Variants in NRG1 observed in about 807,000 individuals in gnomAD.
The protein encoded by NRG1 is pro-neuregulin-1, membrane-bound isoform.
NRG1 carries 18 observed loss-of-function variants against 63.8 expected under a neutral mutation model. The observed-to-expected ratio is 0.28, with a 90% confidence interval of 0.19 to 0.42. The LOEUF is 0.42. Among genes scored for constraint, NRG1 ranks in the 10% least tolerant of loss-of-function variants. NRG1 has a pLI of 1.00. For synonymous variants in NRG1, 302 were observed against 301.3 expected (o/e 1.00, Z -0.02); for missense variants, 762 against 814.7 (o/e 0.94, Z 0.79).
intron 1 of NRG1, among the ~76,000 whole-genome samples, chr8:32,479,940 G>A (rs748804183): frequency 2.6e-4 from 40 of 152,186 alleles, no homozygotes; most frequent in South Asian, 2.1e-3. Context: ...GAGCCACCAC[G>A]CCCAGCCCAT....
At chr8:32,614,021 C>T (rs1229834946) in intron 3 of NRG1, among the ~76,000 whole-genome samples, 1 of 152,062 alleles carries the variant, frequency 6.6e-6, no homozygotes, top group Non-Finnish European at 1.5e-5. Flanking sequence ...TCTTCATTCT[C>T]ACTGGCAATT....
intron 1 of NRG1, among the ~76,000 whole-genome samples, chr8:32,169,986 A>G (rs1344757921): frequency 6.6e-6 from 1 of 152,190 alleles, no homozygotes; most frequent in Non-Finnish European, 1.5e-5. Context: ...ACGTAAAGAC[A>G]TAGACACACA....
chr8:31,943,770 G>A (rs2129621282), intron 1 of NRG1, among the ~76,000 whole-genome samples: 1 of 152,236 alleles, frequency 6.6e-6, no homozygotes, highest in East Asian at 1.9e-4. Context: ...CTAAATGTAA[G>A]AAGAGGGAAT....
chr8:32,733,641 C>T (rs1203911155), intron 6 of NRG1, among the ~76,000 whole-genome samples: 7 of 152,036 alleles, frequency 4.6e-5, no homozygotes, highest in African/African-American at 7.2e-5. Flanking sequence ...GTTTATAGAA[C>T]AGCTATTTGC....
intron 1 of NRG1, among the ~76,000 whole-genome samples, chr8:32,227,592 C>A (rs1168948106): frequency 6.6e-6 from 1 of 152,158 alleles, no homozygotes; most frequent in Non-Finnish European, 1.5e-5. Context: ...TTTCTCCTTT[C>A]CTTTCGGAAT....
chr8:32,098,036 G>A (rs1390437702), intron 1 of NRG1, among the ~76,000 whole-genome samples: 1 of 152,070 alleles, frequency 6.6e-6, no homozygotes, highest in Admixed American at 6.6e-5. Context: ...GAAGATAAGA[G>A]GGATCAAAAC....
Position 31,736,879 on chromosome 8 carries a change from C to G in NRG1, c.37+97448C>G, listed in dbSNP as rs550105221. Among the ~76,000 whole-genome samples, 12 of 152,280 alleles carry G rather than the reference C, an allele frequency of 7.9e-5. No homozygotes were observed. The South Asian group carries it at 2.5e-3, about 32-fold the overall frequency. ...CACACATGCACACACAATTCACCCT[C>G]TCCCACAATATCACTGTGTTACACA... On this transcript the variant is annotated intron_variant, in intron 1 of 10. Coordinates refer to the NRG1 transcript ENST00000519301.
intron 5 of NRG1, among the ~76,000 whole-genome samples, chr8:32,690,231 G>A (rs1811218693): frequency 6.6e-6 from 1 of 152,116 alleles, no homozygotes; most frequent in Admixed American, 6.6e-5. Flanking sequence ...ATTTAAAACA[G>A]TAAGACCAGA....
intron 1 of NRG1, among the ~76,000 whole-genome samples, chr8:32,553,194 C>G (rs2466104): frequency 0.78 from 118,047 of 151,926 alleles, 46,057 homozygotes; most frequent in Admixed American, 0.86. Flanking sequence ...GATAATAATA[C>G]TATTATTATT....
At chr8:32,150,956 G>A (rs1837436353) in intron 1 of NRG1, among the ~76,000 whole-genome samples, 1 of 152,156 alleles carries the variant, frequency 6.6e-6, no homozygotes, top group Admixed American at 6.5e-5. Flanking sequence ...CAACAAAGAA[G>A]GTAAGATATG....
intron 1 of NRG1, among the ~76,000 whole-genome samples, chr8:32,415,469 A>G (rs1383347499): frequency 1.3e-5 from 2 of 149,326 alleles, no homozygotes; most frequent in African/African-American, 4.9e-5. Context: ...GTCTATTCAT[A>G]TTATTTGAAT....
At chr8:32,087,128 G>A (rs923170797) in intron 1 of NRG1, among the ~76,000 whole-genome samples, 12 of 152,222 alleles carry the variant, frequency 7.9e-5, no homozygotes, top group African/African-American at 2.6e-4. Flanking sequence ...ATAATGGTTT[G>A]GATGTTTGTC....
intron 1 of NRG1, among the ~76,000 whole-genome samples, chr8:31,948,410 G>C (rs1188654666): frequency 6.6e-6 from 1 of 152,112 alleles, no homozygotes; most frequent in Non-Finnish European, 1.5e-5. Context: ...AAGGCTTTGA[G>C]CCCCAGTGGA....
chr8:32,394,154 T>G (rs1319302590), intron 1 of NRG1, among the ~76,000 whole-genome samples: 2 of 152,198 alleles, frequency 1.3e-5, no homozygotes, highest in East Asian at 3.9e-4. Context: ...AAACTCTGTG[T>G]TCCTGCTTTA....
chr8:32,181,827 CTATTTA>C (rs1394024804), intron 1 of NRG1, among the ~76,000 whole-genome samples: 4 of 151,824 alleles, frequency 2.6e-5, no homozygotes, highest in African/African-American at 9.7e-5. Flanking sequence ...ATAAGTATTT[CTATTTA>C]TAACTGAAAA....
chr8:31,881,569 G>A (rs1307058837), intron 1 of NRG1, among the ~76,000 whole-genome samples: 1 of 152,186 alleles, frequency 6.6e-6, no homozygotes, highest in Non-Finnish European at 1.5e-5. Context: ...AACCTAGAAA[G>A]GATTGAGCTT....
At chr8:31,900,248 A>G (rs1476686468) in intron 1 of NRG1, among the ~76,000 whole-genome samples, 1 of 152,224 alleles carries the variant, frequency 6.6e-6, no homozygotes, top group Non-Finnish European at 1.5e-5. Context: ...CTGTCATCCT[A>G]GGTAGTGATA....
chr8:32,057,327 T>G (rs1442756975), intron 1 of NRG1, among the ~76,000 whole-genome samples: 2 of 152,184 alleles, frequency 1.3e-5, no homozygotes, highest in Admixed American at 6.6e-5. Flanking sequence ...ATTTATTTAT[T>G]TTGCATTGAG....
chr8:32,346,607 T>A (rs1252748052), intron 1 of NRG1, among the ~76,000 whole-genome samples: 1 of 152,008 alleles, frequency 6.6e-6, no homozygotes, highest in Non-Finnish European at 1.5e-5. Flanking sequence ...ATTAGCATAA[T>A]CCCTGTTGGA....
Sources: allele counts gnomAD v4.1 joint callset (sites outside exome capture counted in the v4.1 genomes callset), GRCh38; gene constraint gnomAD v4.1.1; transcripts MANE v1.5; gene names NCBI Gene and HGNC (gene_info 2026-07-23, HGNC 2026-07-21).